AUTS2: variants seen among roughly 807,000 people sequenced by gnomAD.
AUTS2 encodes activator of transcription and developmental regulator AUTS2.
A neutral mutation model predicts 112.4 loss-of-function variants in AUTS2; 17 were observed. The observed-to-expected ratio is 0.15, with a 90% confidence interval of 0.10 to 0.23. AUTS2 has a LOEUF of 0.23. Ranked by LOEUF, AUTS2 falls within the 10% of genes least tolerant of loss-of-function variation. AUTS2 has a pLI of 1.00. For synonymous variants in AUTS2, 751 were observed against 702.7 expected (o/e 1.07, Z -1.09); for missense variants, 1,510 against 1,701.6 (o/e 0.89, Z 1.98).
intron 1 of AUTS2, among the ~76,000 whole-genome samples, chr7:69,690,155 A>G (rs907559728): frequency 1.3e-5 from 2 of 152,272 alleles, no homozygotes; most frequent in Non-Finnish European, 2.9e-5. Context: ...TGCATGGCAC[A>G]TAGTAGGTAC....
At chr7:70,482,065 A>C (rs1252809196) in intron 5 of AUTS2, among the ~76,000 whole-genome samples, 3 of 152,196 alleles carry the variant, frequency 2.0e-5, no homozygotes, top group Non-Finnish European at 2.9e-5. Flanking sequence ...CTTGAGCAAA[A>C]GACCTAACCT....
chr7:70,129,608 T>A (rs1418491066), intron 3 of AUTS2, among the ~76,000 whole-genome samples: 1 of 152,208 alleles, frequency 6.6e-6, no homozygotes, highest in African/African-American at 2.4e-5. Flanking sequence ...GCCACTGGAC[T>A]ATGTTAAAAG....
intron 2 of AUTS2, among the ~76,000 whole-genome samples, chr7:69,975,531 G>T (rs938048527): frequency 9.9e-5 from 15 of 151,648 alleles, no homozygotes; most frequent in African/African-American, 3.6e-4. Context: ...CTGATACTCT[G>T]TTTTTTGTTG....
chr7:69,888,453 G>A (rs1443496320), intron 1 of AUTS2, among the ~76,000 whole-genome samples: 1 of 148,838 alleles, frequency 6.7e-6, no homozygotes, highest in East Asian at 2.0e-4. Flanking sequence ...ATTAGAGTTC[G>A]ACATGAGGGA....
chr7:69,706,396 G>C (rs999723278), intron 1 of AUTS2, among the ~76,000 whole-genome samples: 12 of 152,108 alleles, frequency 7.9e-5, no homozygotes, highest in African/African-American at 2.7e-4. Context: ...TCCTGCAGCC[G>C]GCCTGGAGAA....
intron 1 of AUTS2, among the ~76,000 whole-genome samples, chr7:69,725,313 T>A (rs752307651): frequency 6.6e-6 from 1 of 152,142 alleles, no homozygotes; most frequent in East Asian, 1.9e-4. Context: ...AGTAAACATA[T>A]GAGCATGCAA....
At chr7:70,242,332 C>T (rs2129600729) in intron 4 of AUTS2, among the ~76,000 whole-genome samples, 1 of 152,238 alleles carries the variant, frequency 6.6e-6, no homozygotes, top group East Asian at 1.9e-4. Flanking sequence ...AGAGACTGGC[C>T]ATTAATTATC....
At chr7:69,999,557 T>G (rs1799094149) in intron 2 of AUTS2, among the ~76,000 whole-genome samples, 1 of 152,190 alleles carries the variant, frequency 6.6e-6, no homozygotes, top group Admixed American at 6.5e-5. Flanking sequence ...CCTTTCTCTG[T>G]TTTTTGTAAG....
intron 16 of AUTS2, 140 bp from the exon 17 acceptor site, chr7:70,785,815 C>T: frequency 1.4e-6 from 1 of 696,016 alleles, no homozygotes; most frequent in South Asian, 1.8e-5. Context: ...CCTTTTACAC[C>T]ATCTGGTAGG....
At chr7:69,764,830 A>G (rs183356761) in intron 1 of AUTS2, among the ~76,000 whole-genome samples, 1 of 152,332 alleles carries the variant, frequency 6.6e-6, no homozygotes, top group Admixed American at 6.5e-5. Flanking sequence ...TGGAAGAACA[A>G]TTAGCCCCTT....
intron 5 of AUTS2, among the ~76,000 whole-genome samples, chr7:70,446,785 C>A (rs528012643): frequency 6.6e-6 from 1 of 152,310 alleles, no homozygotes; most frequent in Non-Finnish European, 1.5e-5. Context: ...AGGGCCCTGA[C>A]TTCCTGCTCA....
intron 5 of AUTS2, among the ~76,000 whole-genome samples, chr7:70,624,459 C>T (rs911384609): frequency 3.3e-5 from 5 of 152,074 alleles, no homozygotes; most frequent in Non-Finnish European, 7.4e-5. Flanking sequence ...TAATTTAATT[C>T]TCCTTAAATT....
chr7:70,474,769 G>T (rs1003760661), intron 5 of AUTS2, among the ~76,000 whole-genome samples: 1 of 152,160 alleles, frequency 6.6e-6, no homozygotes, highest in African/African-American at 2.4e-5. Flanking sequence ...AGAGATGCAA[G>T]AACTCATGCA....
At chr7:70,578,502 T>G (rs1802277328) in intron 5 of AUTS2, among the ~76,000 whole-genome samples, 1 of 152,264 alleles carries the variant, frequency 6.6e-6, no homozygotes, top group South Asian at 2.1e-4. Flanking sequence ...TCCAGGACTC[T>G]TTGTAACCCC....
At chr7:70,627,935 G>T (rs1805034996) in intron 5 of AUTS2, among the ~76,000 whole-genome samples, 1 of 152,134 alleles carries the variant, frequency 6.6e-6, no homozygotes, top group Non-Finnish European at 1.5e-5. Context: ...CTTTCTGAAG[G>T]TGATATTAAA....
intron 4 of AUTS2, among the ~76,000 whole-genome samples, chr7:70,409,745 G>A (rs972608872): frequency 2.0e-5 from 3 of 152,160 alleles, no homozygotes; most frequent in Non-Finnish European, 4.4e-5. Context: ...TATTTTTCAC[G>A]TATTATGCTA....
intron 1 of AUTS2, among the ~76,000 whole-genome samples, chr7:69,881,240 G>C (rs1413448333): frequency 1.3e-5 from 2 of 152,140 alleles, no homozygotes; most frequent in Non-Finnish European, 2.9e-5. Context: ...TACTGTATGT[G>C]TCAGTACTCA....
chr7:69,955,925 A>G (rs921318001), intron 2 of AUTS2, among the ~76,000 whole-genome samples: 5 of 152,130 alleles, frequency 3.3e-5, no homozygotes, highest in African/African-American at 1.2e-4. Context: ...TAATACCTAT[A>G]TGTGACGTAC....
intron 1 of AUTS2, among the ~76,000 whole-genome samples, chr7:69,678,645 A>G (rs1796671334): frequency 6.6e-6 from 1 of 152,166 alleles, no homozygotes; most frequent in Non-Finnish European, 1.5e-5. Flanking sequence ...CTGGGGTTGT[A>G]TTTCCAATCT....
Sources: gnomAD v4.1 joint callset for allele counts (sites outside exome capture counted in the v4.1 genomes callset) on GRCh38, gnomAD v4.1.1 for gene constraint, MANE v1.5 for transcripts, NCBI Gene and HGNC (gene_info 2026-07-23, HGNC 2026-07-21) for gene names.